Variants in KDM4C observed in about 807,000 individuals in gnomAD.
KDM4C encodes the protein lysine demethylase 4C.
KDM4C carries 81 observed loss-of-function variants against 129.3 expected under a neutral mutation model. The ratio of observed to expected loss-of-function variants is 0.63; its 90% CI spans 0.52 to 0.75. KDM4C has a LOEUF of 0.75. Among genes scored for constraint, KDM4C ranks in the 30% least tolerant of loss-of-function variants. The pLI, the probability that KDM4C is intolerant of heterozygous loss-of-function variation, is 0.00. For missense variants in KDM4C, 1,457 were observed against 1,304.0 expected (o/e 1.12, Z -1.81); for synonymous variants, 573 against 456.1 (o/e 1.26, Z -3.26).
chr9:6,749,552 C>T (rs1037928436), intron 1 of KDM4C, among the ~76,000 whole-genome samples: 1 of 151,952 alleles, frequency 6.6e-6, no homozygotes, highest in African/African-American at 2.4e-5. Context: ...CCTGTGGTCC[C>T]AGCTACTTGG....
intron 15 of KDM4C, among the ~76,000 whole-genome samples, chr9:7,020,759 A>G (rs935622286): frequency 2.0e-5 from 3 of 152,228 alleles, no homozygotes; most frequent in African/African-American, 7.2e-5. Context: ...TAATAACCAC[A>G]TCAGGTTAAA....
rs180837182 is a variant in KDM4C, at chr9:6,842,800, G to A, written c.436-6707G>A. 1.1e-3 allele frequency among the ~76,000 whole-genome samples: 170 copies of A among 152,160 alleles called. 1 individual carries two copies. Among genetic ancestry groups the A allele is most frequent in the Non-Finnish European group, 2.4e-4 (16 of 68,014 alleles). On this transcript the variant is annotated intron_variant, in intron 4 of 21. Transcript: ENST00000381309. ...AATACACATCACCCCCAATACCCAC[G>A]TTTTTTGACATATACCTGGCTGCCT...
chr9:6,917,339 G>A (rs1258596984), intron 8 of KDM4C, among the ~76,000 whole-genome samples: 1 of 152,188 alleles, frequency 6.6e-6, no homozygotes, highest in Admixed American at 6.5e-5. Context: ...TTGGACCCCA[G>A]TAGGGTTTAA....
chr9:6,818,666 G>A (rs1030972510), intron 4 of KDM4C, among the ~76,000 whole-genome samples: 6 of 152,188 alleles, frequency 3.9e-5, no homozygotes, highest in African/African-American at 1.4e-4. Context: ...ATCTTGCCTT[G>A]TTAAACCAGC....
intron 1 of KDM4C, among the ~76,000 whole-genome samples, chr9:6,787,704 C>G (rs1825771156): frequency 6.6e-6 from 1 of 152,232 alleles, no homozygotes; most frequent in Admixed American, 6.5e-5. Flanking sequence ...AAATTGCCTC[C>G]TTGTCGACCT....
At chr9:6,772,692 CT>C (rs111924156) in intron 1 of KDM4C, among the ~76,000 whole-genome samples, 1,684 of 126,668 alleles carry the variant, frequency 0.013, 15 homozygotes, top group Non-Finnish European at 0.015. Flanking sequence ...TTTTCTTTTA[CT>C]TTTTTTTTTT....
chr9:7,062,679 C>A (rs1326977309), intron 17 of KDM4C, among the ~76,000 whole-genome samples: 2 of 152,100 alleles, frequency 1.3e-5, no homozygotes, highest in African/African-American at 4.8e-5. Flanking sequence ...CCACCGTGCC[C>A]AGCCCCCTTT....
At chr9:7,034,220 A>G (rs843893) in intron 15 of KDM4C, among the ~76,000 whole-genome samples, 2,600 of 152,254 alleles carry the variant, frequency 0.017, 53 homozygotes, top group Middle Eastern at 0.027. Flanking sequence ...GGAACATGCA[A>G]TACCTCCTCT....
At chr9:6,949,233 C>G (rs1014783942) in intron 8 of KDM4C, among the ~76,000 whole-genome samples, 16 of 149,594 alleles carry the variant, frequency 1.1e-4, no homozygotes, top group African/African-American at 3.7e-4. Flanking sequence ...AGAGACGCTC[C>G]TCACCTCCCA....
intron 17 of KDM4C, among the ~76,000 whole-genome samples, chr9:7,082,873 G>T (rs1834699415): frequency 6.6e-6 from 1 of 152,190 alleles, no homozygotes; most frequent in Non-Finnish European, 1.5e-5. Flanking sequence ...AAAATTGTCA[G>T]ATTTAGGAGA....
chr9:6,950,069 C>CT (rs1827851949), intron 8 of KDM4C, among the ~76,000 whole-genome samples: 2 of 84,022 alleles, frequency 2.4e-5, no homozygotes, highest in Admixed American at 1.4e-4. Flanking sequence ...GGTGGAGTAT[C>CT]TTTTCTTGTT....
intron 18 of KDM4C, among the ~76,000 whole-genome samples, chr9:7,121,983 C>T (rs1424740877): frequency 6.6e-6 from 1 of 151,800 alleles, no homozygotes; most frequent in Admixed American, 6.6e-5. Flanking sequence ...ATTTCCTTTT[C>T]TTTCCATGTT....
At chr9:6,968,028 C>T (rs1427885936) in intron 8 of KDM4C, among the ~76,000 whole-genome samples, 1 of 152,120 alleles carries the variant, frequency 6.6e-6, no homozygotes, top group Non-Finnish European at 1.5e-5. Context: ...TATCATTGTA[C>T]CTGGTACTTA....
At chr9:6,817,763 CTTTTTTTT>C (rs146833868) in intron 4 of KDM4C, among the ~76,000 whole-genome samples, 1 of 105,094 alleles carries the variant, frequency 9.5e-6, no homozygotes, top group Non-Finnish European at 1.8e-5. Flanking sequence ...CAGGAATAAC[CTTTTTTTT>C]TTTTTTTTTT....
At chr9:7,107,841 A>G (rs866799484) in intron 18 of KDM4C, among the ~76,000 whole-genome samples, 1 of 144,362 alleles carries the variant, frequency 6.9e-6, no homozygotes, top group African/African-American at 2.6e-5. Context: ...ATAAGGACAG[A>G]AAGTATTTGT....
At chr9:7,170,316 TGGATTG>T in intron 21 of KDM4C, 2 of 1,031,364 alleles carry the variant, frequency 1.9e-6, no homozygotes, top group Non-Finnish European at 2.3e-6. Context: ...AGGTTTTTCA[TGGATTG>T]ACTACCTTCT....
intron 17 of KDM4C, among the ~76,000 whole-genome samples, chr9:7,101,376 G>A (rs1458777204): frequency 2.0e-5 from 3 of 152,168 alleles, no homozygotes; most frequent in Non-Finnish European, 2.9e-5. Context: ...AATGAAAATG[G>A]GGGTCTGAAA....
rs529271222 is a variant in KDM4C, at chr9:6,926,990, A to G, written c.921+33758A>G. Among the ~76,000 whole-genome samples the G allele has an allele frequency of 3.3e-5, 5 of 152,270 alleles. No homozygotes were observed. The East Asian group carries it at 7.7e-4, about 23-fold the overall frequency. ...TATTAGATGGAGGGAAAATATATTG[A>G]TTGGGTGACTATAGCTTTTTGGTAA... On this transcript the variant is annotated intron_variant, in intron 8 of 21. Transcript: ENST00000381309.
chr9:6,783,372 T>C (rs1824785808), intron 1 of KDM4C, among the ~76,000 whole-genome samples: 1 of 152,184 alleles, frequency 6.6e-6, no homozygotes, highest in African/African-American at 2.4e-5. Context: ...TTTTTATCCT[T>C]GTTAAGTTTT....
Sources: allele counts gnomAD v4.1 joint callset (sites outside exome capture counted in the v4.1 genomes callset), GRCh38; gene constraint gnomAD v4.1.1; transcripts MANE v1.5; gene names NCBI Gene and HGNC (gene_info 2026-07-23, HGNC 2026-07-21).